GRIK5: variants seen among roughly 807,000 people sequenced by gnomAD.
GRIK5 encodes the protein glutamate ionotropic receptor kainate type subunit 5, also known as glutamate receptor ionotropic, kainate 5.
A neutral mutation model predicts 97.4 loss-of-function variants in GRIK5; 43 were observed. The observed-to-expected ratio is 0.44, with a 90% CI of 0.35 to 0.57. The LOEUF is 0.57. Ranked by LOEUF, GRIK5 falls within the 20% of genes least tolerant of loss-of-function variation. The pLI is 0.01. For synonymous variants in GRIK5, 580 were observed against 583.5 expected, an observed-to-expected ratio of 0.99 and a Z score of 0.09; for missense variants, 1,015 against 1,382.0, an observed-to-expected ratio of 0.73 and a Z score of 4.21.
intron 15 of GRIK5, among the ~76,000 whole-genome samples, chr19:42,018,737 A>G (rs2075660967): frequency 7.5e-6 from 1 of 133,584 alleles, no homozygotes. Context: ...AATAGTGACA[A>G]GCCCTCAGGT....
At chr19:42,051,875 C>T (rs1639184770) in intron 11 of GRIK5, among the ~76,000 whole-genome samples, 1 of 152,172 alleles carries the variant, frequency 6.6e-6, no homozygotes, top group African/African-American at 2.4e-5. Flanking sequence ...TTTCTGGGCA[C>T]CCAACTCCTA....
chr19:42,069,070 G>A (rs985731227), intron 1 of GRIK5, 171 bp downstream of exon 1: 3 of 455,702 alleles, frequency 6.6e-6, no homozygotes, highest in African/African-American at 2.0e-5. Context: ...AGAAGAGGTC[G>A]AGGTGAATGG....
chr19:42,044,370 A>T (rs897298005), intron 11 of GRIK5, among the ~76,000 whole-genome samples: 1 of 152,194 alleles, frequency 6.6e-6, no homozygotes, highest in Non-Finnish European at 1.5e-5. Context: ...GCCAAAACAA[A>T]CACAGTTTCT....
At chr19:42,019,269 C>G (rs2075668622) in intron 15 of GRIK5, among the ~76,000 whole-genome samples, 2 of 152,102 alleles carry the variant, frequency 1.3e-5, no homozygotes, top group African/African-American at 4.8e-5. Flanking sequence ...CCCTCTCCCT[C>G]TGTCTAAAAT....
At chr19:42,069,046 CAGA>C in intron 1 of GRIK5, 192 bp downstream of exon 1, 1 of 481,148 alleles carries the variant, frequency 2.1e-6, no homozygotes, top group Non-Finnish European at 3.7e-6. Context: ...GCTATGTACC[CAGA>C]AGAAGAGGTG....
At position 42,021,360 on chromosome 19, in the gene GRIK5, C is replaced by T; in HGVS notation, c.1812G>A (p.Met604Ile). The change falls in exon 15 of 20, where the codon ATG (methionine) becomes ATA (isoleucine). Residue 604 changes from methionine (M) to isoleucine (I), a missense_variant. Met to Ile is a conservative substitution (Grantham distance 10, BLOSUM62 1). This residue lies in a region of GRIK5 where 477 missense variants were observed against 701.1 expected (regional missense o/e 0.68). Coordinates refer to ENST00000593562, the MANE Select transcript of GRIK5 (RefSeq NM_002088.5). This position sits in a 1 kb window ranked among gnomAD's most constrained non-coding sequence, Gnocchi z 4.2. The stretch of plus-strand genomic sequence containing the variant: ...GGGGCATGATCTCCGAGCCCTGCTG[C>T]ATGAAGCCCCCCACGGGAAACCACA... ...NSLWFPVGGF[M>I]QQGSEIMPRA... 1 of 1,613,720 alleles carries T rather than the reference C, an allele frequency of 6.2e-7. No homozygotes were observed. Among genetic ancestry groups the T allele is most frequent in the Non-Finnish European group, 8.5e-7 (1 of 1,179,910 alleles).
At chr19:42,058,071 T>C (rs1386529451) in intron 6 of GRIK5, among the ~76,000 whole-genome samples, 1 of 152,230 alleles carries the variant, frequency 6.6e-6, no homozygotes, top group Non-Finnish European at 1.5e-5. Flanking sequence ...CAGGCCTGCC[T>C]GGCTCCCAAA....
Position 42,065,087 on chromosome 19 carries a change from G to T in GRIK5, c.244+136C>A. The stretch of plus-strand genomic sequence containing the variant: ...CAGCAGCAGCCATGTCTGGGAAGAA[G>T]GCAGAGACAAACACAAAGAAGGGGG... On this transcript the variant is annotated intron_variant, in intron 3 of 19. Coordinates refer to ENST00000593562, the MANE Select transcript of GRIK5 (RefSeq NM_002088.5). The surrounding 1 kb of genome is among the most constrained non-coding windows in gnomAD (Gnocchi z 5.8). 1.3e-6 allele frequency: 1 copy of T among 752,964 alleles called. No individual in the cohort carries two copies. The highest frequency in any genetic ancestry group is 2.1e-6 in the Non-Finnish European group (1 of 474,526). The allele number at this position is 752,964 out of a possible 1,614,324, so 46.6% of individuals were successfully genotyped here. A position where few individuals can be genotyped will look rare whatever the true frequency, so the allele number is the denominator to read the frequency against.
rs1383865946 is a variant in GRIK5, at chr19:42,003,485, G to T, written c.2393-32C>A. 6.2e-7 allele frequency: 1 copy of T among 1,611,630 alleles called. No homozygotes were observed. Among genetic ancestry groups the T allele is most frequent in the African/African-American group, 1.3e-5 (1 of 74,892 alleles). ...GGCGAAGGGAGTTGGGGGGCAAAGGGAGTTGGGGCTGTGTGGGAAGGGGGC... is the reference window on the plus strand; with the variant it reads ...GGCGAAGGGAGTTGGGGGGCAAAGGTAGTTGGGGCTGTGTGGGAAGGGGGC... On this transcript the variant is annotated intron_variant, in intron 18 of 19. Coordinates refer to ENST00000593562, the MANE Select transcript of GRIK5 (RefSeq NM_002088.5). This position sits in a 1 kb window ranked among gnomAD's most constrained non-coding sequence, Gnocchi z 4.2.
At chr19:42,066,349 C>T (rs975353942) in intron 1 of GRIK5, among the ~76,000 whole-genome samples, 8 of 151,844 alleles carry the variant, frequency 5.3e-5, no homozygotes, top group African/African-American at 7.3e-5. Context: ...CCTGGACATC[C>T]GAGGTCTGGA....
chr19:42,015,626 G>A (rs1005069973), intron 15 of GRIK5, among the ~76,000 whole-genome samples: 1 of 152,182 alleles, frequency 6.6e-6, no homozygotes, highest in African/African-American at 2.4e-5. Context: ...GTTTTGTGAA[G>A]AGTGACTGAG....
intron 11 of GRIK5, among the ~76,000 whole-genome samples, chr19:42,051,491 C>T (rs746675356): frequency 6.6e-5 from 10 of 152,198 alleles, no homozygotes; most frequent in African/African-American, 1.2e-4. Flanking sequence ...CAAGGTAAAG[C>T]ACAGGACAAC....
At chr19:42,067,019 T>C (rs899962573) in intron 1 of GRIK5, among the ~76,000 whole-genome samples, 5 of 152,200 alleles carry the variant, frequency 3.3e-5, no homozygotes, top group Non-Finnish European at 7.4e-5. Flanking sequence ...GGGATTCCTC[T>C]AGGCACCCCA....
chr19:42,041,333 A>T (rs1820941223), intron 12 of GRIK5, among the ~76,000 whole-genome samples: 1 of 152,132 alleles, frequency 6.6e-6, no homozygotes, highest in South Asian at 2.1e-4. Context: ...TGTCCTAATC[A>T]GGGGCCTACT....
In GRIK5 at chr19:42,021,810, G is replaced by T; in HGVS notation, c.1697+137C>A. On this transcript the variant is annotated intron_variant, in intron 14 of 19. Transcript: ENST00000593562. The surrounding 1 kb of genome is among the most constrained non-coding windows in gnomAD (Gnocchi z 4.2). Reference sequence around the variant, plus strand: ...ACTCAGACACAGGGCACAAAACTGAGAAAGGAGGGCACAGGGAATCCGAGG... The same window carrying T: ...ACTCAGACACAGGGCACAAAACTGATAAAGGAGGGCACAGGGAATCCGAGG... 1 of 636,004 alleles carries T rather than the reference G, an allele frequency of 1.6e-6. No individual in the cohort carries two copies. Among genetic ancestry groups the T allele is most frequent in the Non-Finnish European group, 2.8e-6 (1 of 352,730 alleles). 39.4% of individuals were successfully genotyped at this position (636,004 alleles called of 1,614,324 possible).
At chr19:42,045,700 C>T (rs1391333814) in intron 11 of GRIK5, among the ~76,000 whole-genome samples, 3 of 152,104 alleles carry the variant, frequency 2.0e-5, no homozygotes, top group South Asian at 2.1e-4. Flanking sequence ...AATTGTGGAA[C>T]GGGGAACAAG....
At chr19:42,031,757 A>G (rs1280809614) in intron 12 of GRIK5, among the ~76,000 whole-genome samples, 1 of 152,254 alleles carries the variant, frequency 6.6e-6, no homozygotes, top group African/African-American at 2.4e-5. Flanking sequence ...CAAAAAGGGT[A>G]TTCTTCTTCC....
At chr19:42,064,519 T>G (rs1279893225) in intron 3 of GRIK5, among the ~76,000 whole-genome samples, 3 of 151,914 alleles carry the variant, frequency 2.0e-5, no homozygotes, top group Non-Finnish European at 4.4e-5. Context: ...GCCATCTGCC[T>G]CCTCACCCTC....
At chr19:42,027,554 A>G (rs2075787282) in intron 12 of GRIK5, among the ~76,000 whole-genome samples, 1 of 152,186 alleles carries the variant, frequency 6.6e-6, no homozygotes, top group Non-Finnish European at 1.5e-5. Context: ...TGAGGATGTC[A>G]TATAGGAAGG....
Sources: allele counts gnomAD v4.1 joint callset (sites outside exome capture counted in the v4.1 genomes callset), GRCh38; gene constraint gnomAD v4.1.1; regional missense constraint gnomAD v4.1.1; non-coding constraint Gnocchi (gnomAD v3.1); transcripts MANE v1.5; gene names NCBI Gene and HGNC (gene_info 2026-07-23, HGNC 2026-07-21).